RBFOX1: variants seen among roughly 807,000 people sequenced by gnomAD.
The protein encoded by RBFOX1 is RNA binding fox-1 homolog 1, also known as RNA binding protein fox-1 homolog 1.
RBFOX1 carries 8 observed loss-of-function variants against 57.7 expected under a neutral mutation model. The observed-to-expected ratio is 0.14, with a 90% CI of 0.08 to 0.25. RBFOX1 has a LOEUF of 0.25. Among genes scored for constraint, RBFOX1 ranks in the 10% least tolerant of loss-of-function variants. The pLI, the probability that RBFOX1 is intolerant of heterozygous loss-of-function variation, is 1.00. For synonymous variants in RBFOX1, 326 were observed against 222.4 expected (o/e 1.47, Z -4.15); for missense variants, 611 against 548.5 (o/e 1.11, Z -1.14).
chr16:7,358,481 C>T (rs911076978), intron 4 of RBFOX1, among the ~76,000 whole-genome samples: 8 of 151,972 alleles, frequency 5.3e-5, no homozygotes, highest in Admixed American at 2.6e-4. Context: ...AGTGCAGCGG[C>T]GCGATCTCAG....
chr16:7,709,624 G>A lies in RBFOX1; in HGVS notation c.1071+493G>A, dbSNP rs529051729. 1,089 of 1,531,446 alleles carry A rather than the reference G, an allele frequency of 7.1e-4. 1 individual carries two copies. The highest frequency in any genetic ancestry group is 3.1e-3 in the East Asian group (128 of 40,820). 94.9% of individuals were successfully genotyped at this position (1,531,446 alleles called of 1,614,324 possible). A position where few individuals can be genotyped will look rare whatever the true frequency, so the allele number is the denominator to read the frequency against. ...ACAATTCATGTTTAAAGTCATAGTC[G>A]CCCAGGAAAGAAAATAGAGAGGGGC... On this transcript the variant is annotated intron_variant, in intron 15 of 15. Transcript: ENST00000550418.
intron 2 of RBFOX1, among the ~76,000 whole-genome samples, chr16:6,536,198 C>T (rs538067326): frequency 8.4e-4 from 128 of 152,230 alleles, no homozygotes; most frequent in African/African-American, 2.8e-3. Flanking sequence ...AAATGCAACC[C>T]AAAAATCTTG....
At chr16:5,803,094 G>T (rs1477764350) in intron 3 of RBFOX1, among the ~76,000 whole-genome samples, 1 of 152,088 alleles carries the variant, frequency 6.6e-6, no homozygotes, top group African/African-American at 2.4e-5. Context: ...ACAATGGCAG[G>T]AATGGGTTGG....
intron 1 of RBFOX1, among the ~76,000 whole-genome samples, chr16:5,360,149 C>A (rs764080245): frequency 6.6e-6 from 1 of 152,236 alleles, no homozygotes; most frequent in Non-Finnish European, 1.5e-5. Context: ...CCATAGGCTC[C>A]TGATCATCCC....
chr16:5,850,022 T>A (rs1364113488), intron 3 of RBFOX1, among the ~76,000 whole-genome samples: 1 of 152,194 alleles, frequency 6.6e-6, no homozygotes, highest in Non-Finnish European at 1.5e-5. Flanking sequence ...AATTTTTGAT[T>A]AAGTTTTGAA....
chr16:6,409,894 G>T (rs1422766164), intron 2 of RBFOX1, among the ~76,000 whole-genome samples: 1 of 152,076 alleles, frequency 6.6e-6, no homozygotes, highest in Non-Finnish European at 1.5e-5. Flanking sequence ...GAGGGTTTGG[G>T]TTTAAAATCT....
At chr16:7,708,312 C>T (rs189728118) in intron 14 of RBFOX1, among the ~76,000 whole-genome samples, 31 of 152,194 alleles carry the variant, frequency 2.0e-4, no homozygotes, top group Non-Finnish European at 3.8e-4. Context: ...ATCTCTTCTC[C>T]ATTTTTATCC....
At chr16:6,314,652 G>C (rs973067296) in intron 1 of RBFOX1, among the ~76,000 whole-genome samples, 1 of 146,934 alleles carries the variant, frequency 6.8e-6, no homozygotes, top group Non-Finnish European at 1.5e-5. Flanking sequence ...TGGAGGAAGT[G>C]ACAGGAAAGA....
chr16:5,625,948 C>T (rs897703865), intron 3 of RBFOX1, among the ~76,000 whole-genome samples: 2 of 152,152 alleles, frequency 1.3e-5, no homozygotes, highest in African/African-American at 2.4e-5. Flanking sequence ...ACAATCTCAG[C>T]TCACTGCACC....
In RBFOX1 at chr16:7,571,877, C is replaced by T. The variant is rs548727766; in HGVS notation, c.271-7900C>T. Among the ~76,000 whole-genome samples, 15 of 152,312 alleles carry T rather than the reference C, an allele frequency of 9.8e-5. 1 individual carries two copies. In the East Asian group the frequency reaches 2.9e-3, roughly 29 times the overall value. On this transcript the variant is annotated intron_variant, in intron 5 of 15. Coordinates refer to ENST00000550418, the MANE Select transcript of RBFOX1 (RefSeq NM_018723.4). ...GGCGCCGTGGCTCAGGCCTGTAATC[C>T]CAGCACTTTGGGAGGCCAAGGCAGG... is the stretch of plus-strand genomic sequence containing the variant.
intron 1 of RBFOX1, among the ~76,000 whole-genome samples, chr16:6,165,353 C>T (rs1390165093): frequency 3.9e-5 from 6 of 151,960 alleles, no homozygotes; most frequent in African/African-American, 9.7e-5. Flanking sequence ...CCAAAACAAC[C>T]GTAAAGAAAC....
At chr16:7,704,845 G>T (rs911347462) in intron 14 of RBFOX1, among the ~76,000 whole-genome samples, 4 of 151,094 alleles carry the variant, frequency 2.6e-5, no homozygotes, top group African/African-American at 9.7e-5. Flanking sequence ...GAGGTTATGA[G>T]TTTGAGACCA....
intron 9 of RBFOX1, 69 bp from the exon 10 acceptor site, chr16:7,607,216 G>A (rs2095314973): frequency 7.2e-7 from 1 of 1,391,196 alleles, no homozygotes; most frequent in South Asian, 1.3e-5. Context: ...TTTGATTTGT[G>A]ATTCATTTGC....
At chr16:6,739,271 T>G (rs1264092430) in intron 3 of RBFOX1, among the ~76,000 whole-genome samples, 4 of 151,532 alleles carry the variant, frequency 2.6e-5, no homozygotes. Context: ...ATTACCCATA[T>G]CAGGAGAGAA....
At chr16:5,324,500 A>G (rs1223426058) in intron 1 of RBFOX1, among the ~76,000 whole-genome samples, 1 of 152,150 alleles carries the variant, frequency 6.6e-6, no homozygotes, top group African/African-American at 2.4e-5. Flanking sequence ...CCCTGCCCCA[A>G]ACCTTATTAG....
At chr16:5,483,250 G>A (rs1371161902) in intron 2 of RBFOX1, among the ~76,000 whole-genome samples, 1 of 152,186 alleles carries the variant, frequency 6.6e-6, no homozygotes, top group Non-Finnish European at 1.5e-5. Flanking sequence ...AGAAGCACCA[G>A]TAGCAAGGAT....
intron 4 of RBFOX1, among the ~76,000 whole-genome samples, chr16:7,071,230 T>C (rs1327554404): frequency 2.0e-5 from 3 of 152,108 alleles, no homozygotes; most frequent in Non-Finnish European, 4.4e-5. Flanking sequence ...TTATTGAGCA[T>C]ATACTACATA....
intron 3 of RBFOX1, among the ~76,000 whole-genome samples, chr16:6,759,331 AG>A (rs1262063796): frequency 6.6e-6 from 1 of 152,116 alleles, no homozygotes; most frequent in African/African-American, 2.4e-5. Context: ...TTGTATTTTT[AG>A]TAGAGACAGT....
chr16:6,582,592 A>G (rs946876596), intron 2 of RBFOX1, among the ~76,000 whole-genome samples: 7 of 151,956 alleles, frequency 4.6e-5, no homozygotes, highest in African/African-American at 1.4e-4. Context: ...AAATTCATTT[A>G]AAATACTTAA....
Sources: gnomAD v4.1 joint callset for allele counts (sites outside exome capture counted in the v4.1 genomes callset) on GRCh38, gnomAD v4.1.1 for gene constraint, MANE v1.5 for transcripts, NCBI Gene and HGNC (gene_info 2026-07-23, HGNC 2026-07-21) for gene names.